Variants in PDZRN4 observed in about 807,000 individuals in gnomAD.
PDZRN4 encodes the protein PDZ domain-containing RING finger protein 4.
PDZRN4 carries 70 observed loss-of-function variants against 99.0 expected under a neutral mutation model. The observed-to-expected ratio is 0.71, with a 90% CI of 0.58 to 0.86. The LOEUF is 0.86. Among genes scored for constraint, PDZRN4 ranks in the 40% least tolerant of loss-of-function variants. The pLI, the probability that PDZRN4 is intolerant of heterozygous loss-of-function variation, is 0.00. For missense variants in PDZRN4, 1,474 were observed against 1,331.2 expected (o/e 1.11, Z -1.67); for synonymous variants, 551 against 501.6 (o/e 1.10, Z -1.32).
chr12:41,233,498 T>C lies in PDZRN4; in HGVS notation c.843+39310T>C, dbSNP rs745990870. Among the ~76,000 whole-genome samples, 187 of 152,266 alleles carry C rather than the reference T, an allele frequency of 1.2e-3. 1 individual carries two copies. The highest frequency in any genetic ancestry group is 3.5e-4 in the Non-Finnish European group (24 of 68,016). The stretch of plus-strand genomic sequence containing the variant: ...GAAGACACATGCACACGTATGTTTA[T>C]AGCAGCACTATTCACAATAGCAAAG... On this transcript the variant is annotated intron_variant, in intron 3 of 9. Coordinates refer to ENST00000402685, the MANE Select transcript of PDZRN4 (RefSeq NM_001164595.2).
intron 3 of PDZRN4, among the ~76,000 whole-genome samples, chr12:41,364,453 A>C (rs1414646573): frequency 2.6e-5 from 4 of 152,088 alleles, no homozygotes; most frequent in Admixed American, 2.6e-4. Flanking sequence ...CTTGTGATGT[A>C]TTACAATTAG....
chr12:41,503,863 T>C (rs899359260), intron 3 of PDZRN4, among the ~76,000 whole-genome samples: 2 of 152,200 alleles, frequency 1.3e-5, no homozygotes, highest in African/African-American at 4.8e-5. Context: ...AGATATTGGA[T>C]AAAGTTGCCT....
chr12:41,332,309 G>A (rs534296070), intron 3 of PDZRN4, among the ~76,000 whole-genome samples: 3 of 152,202 alleles, frequency 2.0e-5, no homozygotes, highest in South Asian at 2.1e-4. Flanking sequence ...GTAAGTTGGA[G>A]AAGTAAAGTT....
intron 3 of PDZRN4, among the ~76,000 whole-genome samples, chr12:41,335,553 G>C (rs1951767071): frequency 6.6e-6 from 1 of 152,022 alleles, no homozygotes; most frequent in South Asian, 2.1e-4. Flanking sequence ...TTGAAGGAAG[G>C]TATTGAAGAT....
intron 3 of PDZRN4, among the ~76,000 whole-genome samples, chr12:41,270,213 C>T (rs1205623483): frequency 6.6e-6 from 1 of 151,756 alleles, no homozygotes; most frequent in African/African-American, 2.4e-5. Flanking sequence ...ATAGATTTTA[C>T]TCAATTAACT....
At chr12:41,408,519 G>A (rs1210156151) in intron 3 of PDZRN4, among the ~76,000 whole-genome samples, 3 of 152,124 alleles carry the variant, frequency 2.0e-5, no homozygotes, top group African/African-American at 7.2e-5. Flanking sequence ...AGTGAAAATG[G>A]TATTTTATTC....
chr12:41,285,852 G>C (rs1442353576), intron 3 of PDZRN4, among the ~76,000 whole-genome samples: 3 of 152,022 alleles, frequency 2.0e-5, no homozygotes, highest in Non-Finnish European at 4.4e-5. Flanking sequence ...GGCCTGTCAG[G>C]GGGTGGTGGG....
intron 3 of PDZRN4, among the ~76,000 whole-genome samples, chr12:41,501,909 CA>C (rs2120661212): frequency 6.6e-6 from 1 of 152,186 alleles, no homozygotes; most frequent in African/African-American, 2.4e-5. Flanking sequence ...CTTGTTAATT[CA>C]TTTGAATATA....
intron 3 of PDZRN4, among the ~76,000 whole-genome samples, chr12:41,200,210 G>GTGTTAAAC (rs1208512401): frequency 6.6e-6 from 1 of 152,036 alleles, no homozygotes; most frequent in Non-Finnish European, 1.5e-5. Flanking sequence ...AAGGATGCAG[G>GTGTTAAAC]TGTTAAACTG....
intron 3 of PDZRN4, among the ~76,000 whole-genome samples, chr12:41,257,684 G>A (rs1039840302): frequency 1.3e-5 from 2 of 152,314 alleles, no homozygotes; most frequent in Non-Finnish European, 2.9e-5. Context: ...ATGAAATTCA[G>A]TAAGTGATTT....
chr12:41,544,465 T>C lies in PDZRN4; in HGVS notation c.1204-8191T>C, dbSNP rs189859498. Among the ~76,000 whole-genome samples, 114 of 152,328 alleles carry C rather than the reference T, an allele frequency of 7.5e-4. No homozygotes were observed. The South Asian group carries it at 8.7e-3, about 12-fold the overall frequency. ...CGCATGTGGGGCTTCTCATAAGCTC[T>C]CAGTCCTCTGCTGGTACTATAAATG... is the stretch of plus-strand genomic sequence containing the variant. On this transcript the variant is annotated intron_variant, in intron 5 of 9. Transcript: ENST00000402685.
chr12:41,461,865 C>T (rs1249210840), intron 3 of PDZRN4, among the ~76,000 whole-genome samples: 1 of 152,098 alleles, frequency 6.6e-6, no homozygotes, highest in Non-Finnish European at 1.5e-5. Context: ...CTGTCTTTCT[C>T]CTCTAGAACA....
At chr12:41,506,842 A>G in intron 4 of PDZRN4, 130 bp downstream of exon 4, 9 of 982,006 alleles carry the variant, frequency 9.2e-6, no homozygotes, top group Non-Finnish European at 1.3e-5. Context: ...CGTTTGGAAA[A>G]TGTCTCCCCT....
At position 41,413,258 on chromosome 12, in the gene PDZRN4, G is replaced by A. The variant is rs183739075; in HGVS notation, c.844-93198G>A. Among the ~76,000 whole-genome samples the A allele has an allele frequency of 1.9e-3, 288 of 152,204 alleles. 1 individual carries two copies. Among genetic ancestry groups the A allele is most frequent in the African/African-American group, 6.1e-3 (254 of 41,534 alleles). ...GAAGACATGATATTGAGTGAAATAA[G>A]CCAGGAATAGAAAGTTAAAAATCAT... On this transcript the variant is annotated intron_variant, in intron 3 of 9. Transcript: ENST00000402685.
At chr12:41,283,799 A>C (rs559873233) in intron 3 of PDZRN4, among the ~76,000 whole-genome samples, 2 of 152,344 alleles carry the variant, frequency 1.3e-5, no homozygotes, top group African/African-American at 4.8e-5. Context: ...GCTTTCAATA[A>C]GATTCAACAT....
intron 3 of PDZRN4, among the ~76,000 whole-genome samples, chr12:41,327,409 G>A (rs1951716834): frequency 6.6e-6 from 1 of 152,168 alleles, no homozygotes; most frequent in Non-Finnish European, 1.5e-5. Flanking sequence ...CTAAGCTACA[G>A]CACATTGTTT....
chr12:41,479,802 T>A (rs1047959171), intron 3 of PDZRN4, among the ~76,000 whole-genome samples: 6 of 152,164 alleles, frequency 3.9e-5, no homozygotes, highest in Non-Finnish European at 8.8e-5. Flanking sequence ...ATGTAAGAAA[T>A]GTGGGATTTA....
intron 3 of PDZRN4, among the ~76,000 whole-genome samples, chr12:41,348,331 A>C (rs1404113038): frequency 4.6e-5 from 7 of 152,100 alleles, no homozygotes; most frequent in Non-Finnish European, 8.8e-5. Flanking sequence ...CTAAGTCAAG[A>C]TAATTTTCAT....
At chr12:41,547,758 C>T (rs1848350112) in intron 5 of PDZRN4, among the ~76,000 whole-genome samples, 1 of 152,196 alleles carries the variant, frequency 6.6e-6, no homozygotes, top group Non-Finnish European at 1.5e-5. Flanking sequence ...ATCATGAATT[C>T]ATTTCCTCCC....
Sources: allele counts gnomAD v4.1 joint callset (sites outside exome capture counted in the v4.1 genomes callset), GRCh38; gene constraint gnomAD v4.1.1; transcripts MANE v1.5; gene names NCBI Gene and HGNC (gene_info 2026-07-23, HGNC 2026-07-21).